MACROD2: variants seen among roughly 807,000 people sequenced by gnomAD.
MACROD2 encodes the protein ADP-ribose glycohydrolase MACROD2.
A neutral mutation model predicts 70.4 loss-of-function variants in MACROD2; 36 were observed. The observed-to-expected ratio is 0.51, with a 90% CI of 0.39 to 0.68. MACROD2 has a LOEUF of 0.68. Among genes scored for constraint, MACROD2 ranks in the 30% least tolerant of loss-of-function variants. MACROD2 has a pLI of 0.00. For missense variants in MACROD2, 496 were observed against 538.4 expected, an observed-to-expected ratio of 0.92 and a Z score of 0.78; for synonymous variants, 172 against 178.8, an observed-to-expected ratio of 0.96 and a Z score of 0.30.
intron 3 of MACROD2, chr20:14,337,361 A>C (rs961320028): frequency 3.0e-6 from 1 of 335,978 alleles, no homozygotes. Flanking sequence ...AACCAAGCAA[A>C]CTTTCTGGGA....
intron 5 of MACROD2, among the ~76,000 whole-genome samples, chr20:15,114,217 C>G (rs537637903): frequency 1.1e-4 from 17 of 152,170 alleles, no homozygotes; most frequent in Non-Finnish European, 1.6e-4. Flanking sequence ...GTAGACACAC[C>G]GTAACCTGAC....
At chr20:14,825,642 G>T (rs775913106) in intron 5 of MACROD2, among the ~76,000 whole-genome samples, 1 of 152,128 alleles carries the variant, frequency 6.6e-6, no homozygotes, top group African/African-American at 2.4e-5. Context: ...GGAGAAGTTA[G>T]TTACTTATCA....
intron 2 of MACROD2, among the ~76,000 whole-genome samples, chr20:14,055,530 T>C (rs1261243770): frequency 6.9e-6 from 1 of 145,204 alleles, no homozygotes; most frequent in Non-Finnish European, 1.5e-5. Context: ...AAAAAATACA[T>C]ATATATACAC....
At chr20:15,663,268 C>T (rs2049848514) in intron 8 of MACROD2, among the ~76,000 whole-genome samples, 1 of 141,974 alleles carries the variant, frequency 7.0e-6, no homozygotes, top group South Asian at 2.2e-4. Context: ...CAGAGTCTTG[C>T]TCTGTCACCC....
chr20:14,415,098 TTA>T, intron 3 of MACROD2, among the ~76,000 whole-genome samples: 1 of 152,316 alleles, frequency 6.6e-6, no homozygotes, highest in South Asian at 2.1e-4. Context: ...TTGTCACTTA[TTA>T]TATGTGTAAT....
At chr20:15,648,929 A>C (rs1455614326) in intron 8 of MACROD2, among the ~76,000 whole-genome samples, 1 of 152,210 alleles carries the variant, frequency 6.6e-6, no homozygotes, top group Non-Finnish European at 1.5e-5. Flanking sequence ...AAAATGGCTT[A>C]TGTAATAGAG....
intron 15 of MACROD2, among the ~76,000 whole-genome samples, chr20:16,021,151 C>T (rs990801196): frequency 1.3e-5 from 2 of 152,104 alleles, no homozygotes; most frequent in African/African-American, 4.8e-5. Flanking sequence ...GACAACACTT[C>T]CCAGGGACAT....
At chr20:15,924,343 G>A (rs553082464) in intron 10 of MACROD2, among the ~76,000 whole-genome samples, 4 of 152,270 alleles carry the variant, frequency 2.6e-5, no homozygotes, top group African/African-American at 9.6e-5. Context: ...CCCTTTGTGA[G>A]TTGCCCCAGA....
At chr20:14,176,237 G>T (rs2081262233) in intron 3 of MACROD2, among the ~76,000 whole-genome samples, 1 of 152,158 alleles carries the variant, frequency 6.6e-6, no homozygotes, top group African/African-American at 2.4e-5. Flanking sequence ...GTGACAGAAG[G>T]CATTTTTCCA....
Position 15,097,559 on chromosome 20 carries a change from A to G in MACROD2, c.419-132381A>G, listed in dbSNP as rs186564885. Among the ~76,000 whole-genome samples, 4 of 152,314 alleles carry G rather than the reference A, an allele frequency of 2.6e-5. No homozygotes were observed. In the East Asian group the frequency reaches 7.7e-4, roughly 29 times the overall value. ...GCAGATTAATGTAAAGTACCGTAAG[A>G]GTAATGTCCAAATAAAATGTCATAA... On this transcript the variant is annotated intron_variant, in intron 5 of 17. Transcript: ENST00000684519.
At chr20:14,372,126 A>T (rs1006710795) in intron 3 of MACROD2, among the ~76,000 whole-genome samples, 6 of 152,214 alleles carry the variant, frequency 3.9e-5, no homozygotes, top group Non-Finnish European at 8.8e-5. Flanking sequence ...GGCTTGGTCC[A>T]GAAGCAGATT....
rs372068670 is a variant in MACROD2 at position 16,035,809 on chromosome 20, T to C, written c.1154-5392T>C. On this transcript the variant is annotated intron_variant, in intron 15 of 17. Transcript: ENST00000684519. ...CCACATGAGCTGAGTCCTGGTCTCATCCTCCTCGGATGAGCTACCCCTAAA... is the reference window on the plus strand; with the variant it reads ...CCACATGAGCTGAGTCCTGGTCTCACCCTCCTCGGATGAGCTACCCCTAAA... 5.9e-5 allele frequency among the ~76,000 whole-genome samples: 9 copies of C among 151,786 alleles called. No homozygotes were observed. The East Asian group carries it at 9.8e-4, about 16-fold the overall frequency.
intron 3 of MACROD2, among the ~76,000 whole-genome samples, chr20:14,437,910 ATT>A (rs890938880): frequency 6.6e-6 from 1 of 152,186 alleles, no homozygotes; most frequent in Non-Finnish European, 1.5e-5. Context: ...AAATTAACAT[ATT>A]CATTATCTCA....
intron 5 of MACROD2, among the ~76,000 whole-genome samples, chr20:14,928,733 A>C (rs2074263534): frequency 6.6e-6 from 1 of 152,186 alleles, no homozygotes; most frequent in Non-Finnish European, 1.5e-5. Flanking sequence ...TGAAACAACC[A>C]TGAAAAATCA....
chr20:15,767,413 GC>G (rs1428887221), intron 8 of MACROD2, among the ~76,000 whole-genome samples: 1 of 152,138 alleles, frequency 6.6e-6, no homozygotes, highest in African/African-American at 2.4e-5. Flanking sequence ...TAATTTCCTG[GC>G]AAACAATAGT....
intron 5 of MACROD2, among the ~76,000 whole-genome samples, chr20:14,826,025 A>T (rs1160282631): frequency 3.9e-5 from 6 of 152,168 alleles, no homozygotes; most frequent in Non-Finnish European, 2.9e-5. Flanking sequence ...GTGACCTATC[A>T]TTATCAATAC....
At chr20:14,324,114 G>A (rs1292693588) in intron 3 of MACROD2, 57 of 152,510 alleles carry the variant, frequency 3.7e-4, no homozygotes, top group Admixed American at 3.5e-3. Context: ...TCCTGAAAAA[G>A]CAAGCACAAT....
intron 5 of MACROD2, among the ~76,000 whole-genome samples, chr20:14,731,371 A>G (rs1485060553): frequency 6.6e-6 from 1 of 152,142 alleles, no homozygotes; most frequent in Non-Finnish European, 1.5e-5. Flanking sequence ...CACCGAATCT[A>G]CTTTTCTAAA....
chr20:14,854,625 T>G (rs1226787322), intron 5 of MACROD2, among the ~76,000 whole-genome samples: 1 of 152,156 alleles, frequency 6.6e-6, no homozygotes, highest in Non-Finnish European at 1.5e-5. Flanking sequence ...ACAAAATCCT[T>G]AAGCTTGTCA....
Sources: gnomAD v4.1 joint callset for allele counts (sites outside exome capture counted in the v4.1 genomes callset) on GRCh38, gnomAD v4.1.1 for gene constraint, MANE v1.5 for transcripts, NCBI Gene and HGNC (gene_info 2026-07-23, HGNC 2026-07-21) for gene names.